The following ZMYM4 variants were observed in gnomAD, a reference collection of about 807,000 sequenced individuals.
ZMYM4 encodes the protein zinc finger MYM-type protein 4.
Under a neutral mutation model 183.2 loss-of-function variants are expected in ZMYM4, and 31 were observed. That is an observed-to-expected ratio of 0.17 (90% CI 0.13 to 0.23). The LOEUF (loss-of-function observed/expected upper bound fraction) is 0.23, where lower values mean the gene tolerates loss of function less well. Among genes scored for constraint, ZMYM4 ranks in the 10% least tolerant of loss-of-function variants. The pLI, the probability that ZMYM4 is intolerant of heterozygous loss-of-function variation, is 1.00. For synonymous variants in ZMYM4, 592 were observed against 631.2 expected (o/e 0.94, Z 0.93); for missense variants, 1,273 against 1,840.3 (o/e 0.69, Z 5.64).
At chr1:35,303,380 T>G (rs1641380921) in intron 1 of ZMYM4, among the ~76,000 whole-genome samples, 1 of 152,116 alleles carries the variant, frequency 6.6e-6, no homozygotes, top group African/African-American at 2.4e-5. Flanking sequence ...TGATCTCTCT[T>G]TCATTCCTGA....
intron 9 of ZMYM4, among the ~76,000 whole-genome samples, chr1:35,381,995 A>C (rs1211619582): frequency 6.6e-6 from 1 of 151,956 alleles, no homozygotes; most frequent in Non-Finnish European, 1.5e-5. Context: ...AAATACAAAA[A>C]TTAGCCAGGT....
At chr1:35,309,998 C>T (rs1193856750) in intron 1 of ZMYM4, among the ~76,000 whole-genome samples, 3 of 148,860 alleles carry the variant, frequency 2.0e-5, no homozygotes, top group East Asian at 2.0e-4. Context: ...GGCGCGATCT[C>T]GGCTCACTGC....
chr1:35,317,094 C>T (rs1020631727), intron 1 of ZMYM4, among the ~76,000 whole-genome samples: 1 of 149,364 alleles, frequency 6.7e-6, no homozygotes, highest in Non-Finnish European at 1.5e-5. Flanking sequence ...TGCACTCCAG[C>T]CTGGGGGACA....
intron 2 of ZMYM4, among the ~76,000 whole-genome samples, chr1:35,326,859 T>C (rs185374258): frequency 4.0e-4 from 61 of 152,264 alleles, no homozygotes; most frequent in Admixed American, 7.2e-4. Context: ...TTGGAGTCAT[T>C]TTTTTTCTCT....
At chr1:35,348,241 ATATT>A (rs1182962304) in intron 2 of ZMYM4, among the ~76,000 whole-genome samples, 4 of 152,352 alleles carry the variant, frequency 2.6e-5, no homozygotes, top group South Asian at 2.1e-4. Context: ...TCAAGTGTAA[ATATT>A]TATCACCTTT....
chr1:35,337,115 T>C (rs942720790), intron 2 of ZMYM4, among the ~76,000 whole-genome samples: 1 of 152,140 alleles, frequency 6.6e-6, no homozygotes. Flanking sequence ...TCCCAGCACT[T>C]CGGGAAGCTG....
At chr1:35,309,931 G>GTTT (rs199635403) in intron 1 of ZMYM4, among the ~76,000 whole-genome samples, 3 of 136,056 alleles carry the variant, frequency 2.2e-5, no homozygotes, top group African/African-American at 5.4e-5. Flanking sequence ...GTTTTTTTTT[G>GTTT]TTTTTTTTTT....
chr1:35,311,422 CAAAAAA>C (rs200102940), intron 1 of ZMYM4, among the ~76,000 whole-genome samples: 13 of 78,454 alleles, frequency 1.7e-4, no homozygotes, highest in African/African-American at 5.0e-4. Flanking sequence ...AACTCTGTCT[CAAAAAA>C]AAAAAAAAAA....
chr1:35,354,530 C>T (rs192008475), intron 2 of ZMYM4, among the ~76,000 whole-genome samples: 269 of 152,014 alleles, frequency 1.8e-3, no homozygotes, highest in African/African-American at 6.1e-3. Context: ...GTTTTGAGAC[C>T]AGCCTGGCCA....
At chr1:35,303,312 A>C (rs555988531) in intron 1 of ZMYM4, among the ~76,000 whole-genome samples, 1 of 151,948 alleles carries the variant, frequency 6.6e-6, no homozygotes, top group African/African-American at 2.4e-5. Flanking sequence ...AAGAAAAGAA[A>C]AAAAATTGCT....
intron 1 of ZMYM4, among the ~76,000 whole-genome samples, chr1:35,286,376 G>A (rs1046608000): frequency 9.9e-5 from 15 of 151,714 alleles, no homozygotes; most frequent in East Asian, 1.9e-4. Context: ...ATTCCTCCCC[G>A]TCCGCCAAAA....
chr1:35,286,175 A>C (rs965219943), intron 1 of ZMYM4, among the ~76,000 whole-genome samples: 1 of 152,220 alleles, frequency 6.6e-6, no homozygotes, highest in Non-Finnish European at 1.5e-5. Context: ...AAACTGTGCA[A>C]GTTAGTAAGA....
chr1:35,346,469 G>GGTGAAACCCTGCCTGTACTAC (rs1553170519), intron 2 of ZMYM4, among the ~76,000 whole-genome samples: 8 of 151,888 alleles, frequency 5.3e-5, no homozygotes, highest in Admixed American at 5.2e-4. Flanking sequence ...TGGCCAATGT[G>GGTGAAACCCTGCCTGTACTAC]GTGAAACCCT....
chr1:35,367,268 G>A (rs1277964057), intron 5 of ZMYM4, among the ~76,000 whole-genome samples: 4 of 151,328 alleles, frequency 2.6e-5, no homozygotes, highest in Admixed American at 6.6e-5. Context: ...TGCTCAGGCT[G>A]GAGTGCAATG....
chr1:35,370,860 G>A (rs28542035), intron 7 of ZMYM4: 2 of 415,738 alleles, frequency 4.8e-6, no homozygotes, highest in Non-Finnish European at 3.8e-6. Context: ...TTTATGTATT[G>A]TTTTTGAAAC....
chr1:35,326,044 T>C (rs1642489017), intron 2 of ZMYM4, among the ~76,000 whole-genome samples: 1 of 152,204 alleles, frequency 6.6e-6, no homozygotes, highest in Non-Finnish European at 1.5e-5. Flanking sequence ...GCACCCTTTT[T>C]AATGGCTACT....
intron 23 of ZMYM4, among the ~76,000 whole-genome samples, chr1:35,403,900 CTTAA>C (rs756736625): frequency 6.6e-6 from 1 of 152,098 alleles, no homozygotes; most frequent in African/African-American, 2.4e-5. Context: ...CTAGAGTAAG[CTTAA>C]TTAATCTTTC....
Position 35,390,107 on chromosome 1 carries a change from A to T in ZMYM4, c.2587+9A>T, listed in dbSNP as rs1355037779. 3 of 1,612,566 alleles carry T rather than the reference A, an allele frequency of 1.9e-6. No individual in the cohort carries two copies. Among genetic ancestry groups the T allele is most frequent in the Non-Finnish European group, 2.5e-6 (3 of 1,179,088 alleles). On this transcript the variant is annotated intron_variant, in intron 15 of 29. Coordinates refer to ENST00000314607, the MANE Select transcript of ZMYM4 (RefSeq NM_005095.3). ...TTCACAAAATAATGCAGGTAAAATT[A>T]ACCTTAGGTACTGAATGGAGTCTTT...
intron 1 of ZMYM4, among the ~76,000 whole-genome samples, chr1:35,307,785 C>T (rs1212518131): frequency 5.3e-5 from 8 of 151,868 alleles, no homozygotes; most frequent in Non-Finnish European, 1.0e-4. Context: ...CTGCCCGCCT[C>T]GGCCTCCCAA....
Sources: allele counts gnomAD v4.1 joint callset (sites outside exome capture counted in the v4.1 genomes callset), GRCh38; gene constraint gnomAD v4.1.1; transcripts MANE v1.5; gene names NCBI Gene and HGNC (gene_info 2026-07-23, HGNC 2026-07-21).